MYO3B: variants seen among roughly 807,000 people sequenced by gnomAD.
The protein encoded by MYO3B is myosin-IIIb.
In MYO3B, 156 loss-of-function variants were observed where a neutral mutation model predicts 174.6. The observed-to-expected ratio is 0.89, with a 90% CI of 0.78 to 1.02. MYO3B has a LOEUF of 1.02. Among genes scored for constraint, MYO3B ranks in the 50% least tolerant of loss-of-function variants. MYO3B has a pLI of 0.00. For missense variants in MYO3B, 1,632 were observed against 1,639.4 expected (o/e 1.00, Z 0.08); for synonymous variants, 563 against 569.1 (o/e 0.99, Z 0.15).
chr2:170,468,269 C>T (rs927621078), intron 25 of MYO3B, among the ~76,000 whole-genome samples: 1 of 152,144 alleles, frequency 6.6e-6, no homozygotes, highest in Non-Finnish European at 1.5e-5. Flanking sequence ...GTTTTGTAAA[C>T]TCTTAGCAGG....
chr2:170,633,934 G>T (rs1697244258), intron 32 of MYO3B, among the ~76,000 whole-genome samples: 1 of 152,160 alleles, frequency 6.6e-6, no homozygotes, highest in African/African-American at 2.4e-5. Context: ...TCTTCAAGGA[G>T]AACTACAAAC....
At chr2:170,505,528 A>C (rs1431595794) in intron 28 of MYO3B, among the ~76,000 whole-genome samples, 1 of 152,220 alleles carries the variant, frequency 6.6e-6, no homozygotes, top group Non-Finnish European at 1.5e-5. Context: ...AAATTACCTT[A>C]TGTTTCAGAA....
intron 10 of MYO3B, 50 bp from the exon 11 acceptor site, chr2:170,383,023 C>T (rs541005228): frequency 3.5e-6 from 4 of 1,145,426 alleles, no homozygotes; most frequent in Non-Finnish European, 5.2e-6. Flanking sequence ...TAGAATCTAT[C>T]CCTTGACTGG....
chr2:170,351,388 G>A (rs753396898), intron 8 of MYO3B, among the ~76,000 whole-genome samples: 16 of 152,074 alleles, frequency 1.1e-4, no homozygotes, highest in East Asian at 5.8e-4. Context: ...ATTCTCCATC[G>A]TCTGGGGTGA....
chr2:170,436,545 A>G (rs1230357291), intron 22 of MYO3B, among the ~76,000 whole-genome samples: 1 of 152,222 alleles, frequency 6.6e-6, no homozygotes, highest in Non-Finnish European at 1.5e-5. Context: ...ATCGCCAGAG[A>G]AAACATTTGG....
rs772275247 is a variant in MYO3B, at chr2:170,652,091, C to G, written c.3841-17C>G. The G allele has an allele frequency of 5.6e-6, 9 of 1,610,116 alleles. No homozygotes were observed. Among genetic ancestry groups the G allele is most frequent in the Middle Eastern group, 1.7e-4 (1 of 6,044 alleles). On this transcript the variant is annotated splice_polypyrimidine_tract_variant and intron_variant, in intron 33 of 34. Coordinates refer to ENST00000408978, the MANE Select transcript of MYO3B (RefSeq NM_138995.5). ...TGCTGCTTTGCTTTGACTGTGTGTT[C>G]TTGGCCCTCTCCACAGGGAACTCTA...
chr2:170,486,297 TTC>T (rs1686044957), intron 25 of MYO3B, among the ~76,000 whole-genome samples: 1 of 143,002 alleles, frequency 7.0e-6, no homozygotes, highest in South Asian at 2.2e-4. Context: ...ACAGAATCCA[TTC>T]TTTTTTTTTT....
At chr2:170,449,111 C>T (rs958229973) in intron 23 of MYO3B, among the ~76,000 whole-genome samples, 4 of 152,170 alleles carry the variant, frequency 2.6e-5, no homozygotes, top group Admixed American at 2.6e-4. Flanking sequence ...TAACTTGGTG[C>T]TCCTGGGCCT....
chr2:170,493,842 G>A (rs1038734384), intron 25 of MYO3B, among the ~76,000 whole-genome samples: 20 of 152,174 alleles, frequency 1.3e-4, no homozygotes, highest in African/African-American at 4.6e-4. Flanking sequence ...ACGTGGCAAG[G>A]AGCTGAGGCC....
chr2:170,201,377 C>T (rs1315314712), intron 3 of MYO3B, among the ~76,000 whole-genome samples: 1 of 152,168 alleles, frequency 6.6e-6, no homozygotes, highest in Non-Finnish European at 1.5e-5. Flanking sequence ...ACAGTGTGGA[C>T]ACAAGTGGAA....
intron 22 of MYO3B, among the ~76,000 whole-genome samples, chr2:170,435,812 C>T (rs1053052605): frequency 6.6e-6 from 1 of 152,138 alleles, no homozygotes; most frequent in Non-Finnish European, 1.5e-5. Flanking sequence ...ACCACTGGAA[C>T]CCAGCTACAA....
intron 7 of MYO3B, among the ~76,000 whole-genome samples, chr2:170,327,897 A>G (rs1035813033): frequency 2.7e-5 from 4 of 146,762 alleles, no homozygotes; most frequent in African/African-American, 1.0e-4. Flanking sequence ...GTATATATAT[A>G]TAATGTATAA....
chr2:170,388,286 A>G (rs916740880), intron 14 of MYO3B, among the ~76,000 whole-genome samples: 1 of 152,180 alleles, frequency 6.6e-6, no homozygotes, highest in Non-Finnish European at 1.5e-5. Context: ...CAGGCATTAA[A>G]CAAGTAAACT....
At chr2:170,271,835 G>A (rs1305576510) in intron 7 of MYO3B, among the ~76,000 whole-genome samples, 1 of 152,170 alleles carries the variant, frequency 6.6e-6, no homozygotes, top group African/African-American at 2.4e-5. Flanking sequence ...CTTCGGAAAT[G>A]TTCCCAAAAT....
At chr2:170,221,373 C>T (rs983223489) in intron 6 of MYO3B, among the ~76,000 whole-genome samples, 5 of 151,828 alleles carry the variant, frequency 3.3e-5, no homozygotes, top group Admixed American at 1.3e-4. Flanking sequence ...ATTTTTATTC[C>T]ACAAGCTTGA....
chr2:170,445,198 G>A (rs893425422), intron 23 of MYO3B, among the ~76,000 whole-genome samples: 1 of 152,110 alleles, frequency 6.6e-6, no homozygotes, highest in Non-Finnish European at 1.5e-5. Context: ...AAAACAGTAT[G>A]TCAATTGCAG....
intron 7 of MYO3B, among the ~76,000 whole-genome samples, chr2:170,269,498 C>G (rs2093411433): frequency 6.6e-6 from 1 of 152,130 alleles, no homozygotes; most frequent in African/African-American, 2.4e-5. Flanking sequence ...GGGAAACAAG[C>G]ACTAGCACTT....
chr2:170,431,873 T>C (rs929027434), intron 22 of MYO3B, among the ~76,000 whole-genome samples: 1 of 152,230 alleles, frequency 6.6e-6, no homozygotes, highest in Non-Finnish European at 1.5e-5. Flanking sequence ...TTTCAGTCAA[T>C]GACAGACCAC....
At chr2:170,275,858 A>G (rs1268334658) in intron 7 of MYO3B, among the ~76,000 whole-genome samples, 1 of 152,210 alleles carries the variant, frequency 6.6e-6, no homozygotes, top group Non-Finnish European at 1.5e-5. Flanking sequence ...GAAAAAAACA[A>G]AATAAAAACA....
Sources: gnomAD v4.1 joint callset for allele counts (sites outside exome capture counted in the v4.1 genomes callset) on GRCh38, gnomAD v4.1.1 for gene constraint, MANE v1.5 for transcripts, NCBI Gene and HGNC (gene_info 2026-07-23, HGNC 2026-07-21) for gene names.